MYH15: variants seen among roughly 807,000 people sequenced by gnomAD.
MYH15 encodes the protein myosin-15.
In MYH15, 227 loss-of-function variants were observed where a neutral mutation model predicts 240.5. The observed-to-expected ratio is 0.94, with a 90% confidence interval of 0.85 to 1.05. The LOEUF (loss-of-function observed/expected upper bound fraction) is 1.05, where lower values mean the gene tolerates loss of function less well. Ranked by LOEUF, MYH15 falls within the 50% of genes least tolerant of loss-of-function variation. MYH15 has a pLI of 0.00. For synonymous variants in MYH15, 785 were observed against 796.7 expected, an observed-to-expected ratio of 0.99 and a Z score of 0.25; for missense variants, 2,217 against 2,247.5, an observed-to-expected ratio of 0.99 and a Z score of 0.27.
intron 10 of MYH15, 42 bp downstream of exon 10, chr3:108,486,381 T>C: frequency 1.4e-6 from 2 of 1,479,820 alleles, no homozygotes; most frequent in Non-Finnish European, 1.9e-6. Context: ...TCATTTCTCA[T>C]TGCCATTACC....
At chr3:108,488,053 T>G (rs571149047) in intron 9 of MYH15, among the ~76,000 whole-genome samples, 34 of 152,262 alleles carry the variant, frequency 2.2e-4, no homozygotes, top group African/African-American at 7.5e-4. Context: ...GTAATGTATC[T>G]GTCATTTCAC....
chr3:108,492,623 C>T (rs1359908210), intron 8 of MYH15, 28 bp from the exon 9 acceptor site: 3 of 1,536,992 alleles, frequency 2.0e-6, no homozygotes, highest in Non-Finnish European at 9.0e-7. Flanking sequence ...AATAAAAATT[C>T]ATACTTAGGC....
chr3:108,382,429 T>C (rs1288027020), intron 40 of MYH15, among the ~76,000 whole-genome samples: 5 of 152,184 alleles, frequency 3.3e-5, no homozygotes, highest in Admixed American at 2.0e-4. Flanking sequence ...GTAGTATTTA[T>C]GCATATTATT....
Position 108,393,613 on chromosome 3 carries a change from T to TA in MYH15, c.5259+417dup, listed in dbSNP as rs530217611. On this transcript the variant is annotated intron_variant, in intron 36 of 40. Transcript: ENST00000693548. ...GCTCTTCAAGCAGTAGTACAGGTTG[T>TA]AAAAAAAATAAGTGAATTAAACATT... 4.6e-5 allele frequency among the ~76,000 whole-genome samples: 7 copies of TA among 151,972 alleles called. No individual in the cohort carries two copies. The South Asian group carries it at 8.3e-4, about 18-fold the overall frequency.
At chr3:108,494,189 C>T (rs545931484) in intron 7 of MYH15, among the ~76,000 whole-genome samples, 1 of 152,276 alleles carries the variant, frequency 6.6e-6, no homozygotes, top group African/African-American at 2.4e-5. Context: ...ACAGGGGGAT[C>T]AAACTAGTAC....
chr3:108,415,960 C>T (rs2082629713), intron 29 of MYH15, among the ~76,000 whole-genome samples: 2 of 152,156 alleles, frequency 1.3e-5, no homozygotes, highest in South Asian at 4.1e-4. Context: ...CACAGTACAT[C>T]ACTAGGTGTA....
chr3:108,435,166 C>T (rs186362043), intron 25 of MYH15, among the ~76,000 whole-genome samples: 190 of 152,180 alleles, frequency 1.2e-3, no homozygotes, highest in African/African-American at 4.4e-3. Context: ...TTTGTGTTGG[C>T]GTTTGCCACA....
At chr3:108,476,574 C>A in intron 11 of MYH15, 59 bp from the exon 12 acceptor site, 1 of 1,104,556 alleles carries the variant, frequency 9.1e-7, no homozygotes, top group Middle Eastern at 2.0e-4. Flanking sequence ...AAGATTCATT[C>A]CATTATAGCC....
intron 31 of MYH15, 148 bp from the exon 32 acceptor site, chr3:108,408,552 G>T (rs2082564041): frequency 1.4e-6 from 1 of 702,014 alleles, no homozygotes; most frequent in Non-Finnish European, 2.2e-6. Flanking sequence ...ATGGGACCGA[G>T]AAATTTTAAA....
intron 7 of MYH15, among the ~76,000 whole-genome samples, chr3:108,495,109 A>AT (rs1263768279): frequency 6.6e-6 from 1 of 152,194 alleles, no homozygotes; most frequent in African/African-American, 2.4e-5. Flanking sequence ...GCATGAGGTT[A>AT]TTATTTAATT....
At chr3:108,429,922 A>C (rs902586308) in intron 26 of MYH15, among the ~76,000 whole-genome samples, 3 of 152,192 alleles carry the variant, frequency 2.0e-5, no homozygotes. Context: ...CATTGAACCA[A>C]ACATTTCTGA....
chr3:108,422,270 T>G (rs1230229251), intron 27 of MYH15, among the ~76,000 whole-genome samples: 2 of 150,156 alleles, frequency 1.3e-5, no homozygotes, highest in African/African-American at 2.5e-5. Flanking sequence ...CAGGCTGGAG[T>G]GCAATGGCAC....
chr3:108,489,919 C>T (rs1360946298), intron 9 of MYH15, among the ~76,000 whole-genome samples: 1 of 152,176 alleles, frequency 6.6e-6, no homozygotes, highest in Non-Finnish European at 1.5e-5. Flanking sequence ...TAATCAATCT[C>T]AGCAACCCCC....
At chr3:108,464,462 T>C (rs1045743753) in intron 15 of MYH15, among the ~76,000 whole-genome samples, 176 bp downstream of exon 15, 2 of 152,206 alleles carry the variant, frequency 1.3e-5, no homozygotes, top group Non-Finnish European at 2.9e-5. Context: ...TGGAATGCTA[T>C]TGTTCATTTC....
chr3:108,410,507 AG>A, intron 31 of MYH15, 75 bp downstream of exon 31: 1 of 1,029,330 alleles, frequency 9.7e-7, no homozygotes, highest in Non-Finnish European at 1.4e-6. Flanking sequence ...AAAATGCTGA[AG>A]ACAGCCTTGC....
chr3:108,460,199 T>C (rs2083058973), intron 17 of MYH15, 101 bp downstream of exon 17: 4 of 1,060,076 alleles, frequency 3.8e-6, no homozygotes, highest in Non-Finnish European at 4.0e-6. Context: ...TGCTAGCTCC[T>C]GATACTTTAT....
intron 12 of MYH15, among the ~76,000 whole-genome samples, chr3:108,472,924 C>T (rs769449343): frequency 2.0e-5 from 3 of 152,084 alleles, no homozygotes; most frequent in Non-Finnish European, 4.4e-5. Flanking sequence ...TTAAAATAAC[C>T]TCACAGAAGG....
intron 14 of MYH15, 136 bp downstream of exon 14, chr3:108,469,906 T>C (rs1258014278): frequency 1.3e-6 from 1 of 786,994 alleles, no homozygotes; most frequent in Admixed American, 3.8e-5. Context: ...ACAAACACCA[T>C]TAAGATAAAA....
chr3:108,514,556 A>C (rs1053707953), upstream of MYH15, among the ~76,000 whole-genome samples: 2 of 152,108 alleles, frequency 1.3e-5, no homozygotes, highest in African/African-American at 4.8e-5. Flanking sequence ...AATAGATTTG[A>C]ATAGGGATAG....
Sources: gnomAD v4.1 joint callset for allele counts (sites outside exome capture counted in the v4.1 genomes callset) on GRCh38, gnomAD v4.1.1 for gene constraint, MANE v1.5 for transcripts, NCBI Gene and HGNC (gene_info 2026-07-23, HGNC 2026-07-21) for gene names.